SGCD: variants seen among roughly 807,000 people sequenced by gnomAD.
SGCD encodes sarcoglycan delta.
SGCD carries 18 observed loss-of-function variants against 36.6 expected under a neutral mutation model. That is an observed-to-expected ratio of 0.49 (90% CI 0.34 to 0.73). SGCD has a LOEUF of 0.73. SGCD is among the 30% of genes least tolerant of loss of function. The pLI is 0.01. For missense variants in SGCD, 387 were observed against 346.7 expected (o/e 1.12, Z -0.92); for synonymous variants, 133 against 130.6 (o/e 1.02, Z -0.12).
the SGCD span, among the ~76,000 whole-genome samples, chr5:155,787,512 C>G: frequency 6.6e-6 from 1 of 152,094 alleles, no homozygotes; most frequent in Non-Finnish European, 1.5e-5. Flanking sequence ...GGAATCAGCT[C>G]GAGGGACACT....
the SGCD span, among the ~76,000 whole-genome samples, chr5:155,831,999 G>A: frequency 6.6e-6 from 1 of 152,184 alleles, no homozygotes; most frequent in Non-Finnish European, 1.5e-5. Flanking sequence ...GTGGTTAGCT[G>A]TTATCACTCA....
intron 3 of SGCD, among the ~76,000 whole-genome samples, chr5:156,368,153 A>G (rs935272040): frequency 3.3e-5 from 5 of 151,302 alleles, no homozygotes; most frequent in Non-Finnish European, 7.4e-5. Flanking sequence ...GCGCAGTGGC[A>G]CGATCTCGGC....
chr5:156,362,976 C>T (rs181510914), intron 3 of SGCD, among the ~76,000 whole-genome samples: 1 of 152,042 alleles, frequency 6.6e-6, no homozygotes, highest in East Asian at 1.9e-4. Flanking sequence ...TAATTTCTGT[C>T]TTTGCAGCTT....
the SGCD span, among the ~76,000 whole-genome samples, chr5:155,795,418 TG>T: frequency 7.0e-6 from 1 of 142,662 alleles, no homozygotes; most frequent in Non-Finnish European, 1.5e-5. Flanking sequence ...AAAACATAGT[TG>T]TATGTTTTAC....
chr5:156,707,845 G>C (rs1298335757), intron 7 of SGCD, among the ~76,000 whole-genome samples: 1 of 152,200 alleles, frequency 6.6e-6, no homozygotes, highest in African/African-American at 2.4e-5. Context: ...GGCTCTGCTA[G>C]TAATAAGTAA....
intron 3 of SGCD, among the ~76,000 whole-genome samples, chr5:156,222,908 G>A (rs564114882): frequency 1.3e-5 from 2 of 152,098 alleles, no homozygotes; most frequent in South Asian, 4.1e-4. Context: ...TGTCAAAAAT[G>A]TTTTACTGAT....
intron 4 of SGCD, among the ~76,000 whole-genome samples, chr5:156,524,126 A>AC (rs1757541099): frequency 1.3e-5 from 1 of 79,642 alleles, no homozygotes; most frequent in Non-Finnish European, 2.7e-5. Context: ...ATATATATAT[A>AC]TATATATATA....
chr5:156,448,892 G>A (rs1458709082), intron 3 of SGCD, among the ~76,000 whole-genome samples: 2 of 151,620 alleles, frequency 1.3e-5, no homozygotes, highest in Non-Finnish European at 2.9e-5. Flanking sequence ...GGGATTGCAG[G>A]CATGCCCCAA....
intron 3 of SGCD, among the ~76,000 whole-genome samples, chr5:156,380,763 A>G (rs192390161): frequency 9.1e-4 from 139 of 152,344 alleles, no homozygotes; most frequent in Middle Eastern, 6.8e-3. Flanking sequence ...GTGAAGCAAG[A>G]GAATTGATAT....
chr5:156,433,737 T>A (rs1167975806), intron 3 of SGCD, among the ~76,000 whole-genome samples: 1 of 152,218 alleles, frequency 6.6e-6, no homozygotes, highest in Non-Finnish European at 1.5e-5. Context: ...CAATGGCCTG[T>A]CACCATATGC....
At chr5:156,210,682 A>T (rs948473152) in intron 3 of SGCD, among the ~76,000 whole-genome samples, 4 of 152,078 alleles carry the variant, frequency 2.6e-5, no homozygotes, top group African/African-American at 9.7e-5. Context: ...AAAAAAATGC[A>T]ATGAAGAGAT....
chr5:156,058,208 T>G (rs1258106673), intron 1 of SGCD, among the ~76,000 whole-genome samples: 3 of 146,238 alleles, frequency 2.1e-5, no homozygotes, highest in African/African-American at 7.4e-5. Flanking sequence ...CAATTTATAT[T>G]AAAAGCAGGA....
chr5:155,894,208 C>T (rs551282407), intron 1 of SGCD, among the ~76,000 whole-genome samples: 43 of 152,158 alleles, frequency 2.8e-4, no homozygotes, highest in Non-Finnish European at 5.6e-4. Context: ...ATTAACCTTA[C>T]TTATTGTAAC....
intron 7 of SGCD, among the ~76,000 whole-genome samples, chr5:156,653,492 G>GTTTTTTTTTTTT (rs1561839559): frequency 1.2e-3 from 7 of 5,832 alleles, no homozygotes; most frequent in East Asian, 0.016. Context: ...TCTAAAGCTT[G>GTTTTTTTTTTTT]CTTTTTTTTT....
chr5:156,353,884 T>C (rs1191713995), intron 3 of SGCD, among the ~76,000 whole-genome samples: 3 of 152,268 alleles, frequency 2.0e-5, no homozygotes, highest in Non-Finnish European at 4.4e-5. Flanking sequence ...TCCTGTGTTT[T>C]ATACCTTTGT....
chr5:155,969,178 G>C (rs1757960691), intron 1 of SGCD, among the ~76,000 whole-genome samples: 1 of 151,920 alleles, frequency 6.6e-6, no homozygotes, highest in Admixed American at 6.6e-5. Context: ...TGCGTGTCTA[G>C]GTTTTGTTGC....
chr5:156,627,088 A>G (rs1762466228), intron 6 of SGCD, among the ~76,000 whole-genome samples: 1 of 152,184 alleles, frequency 6.6e-6, no homozygotes, highest in Non-Finnish European at 1.5e-5. Context: ...GTTATGATCA[A>G]TTGCCCTGTG....
At chr5:156,578,230 A>G (rs148072083) in intron 4 of SGCD, among the ~76,000 whole-genome samples, 2,668 of 152,266 alleles carry the variant, frequency 0.018, 32 homozygotes, top group Non-Finnish European at 0.029. Context: ...TGATTTGCAT[A>G]TGTTGAACCA....
intron 3 of SGCD, among the ~76,000 whole-genome samples, chr5:156,497,920 A>C (rs1016381950): frequency 6.6e-6 from 1 of 152,112 alleles, no homozygotes; most frequent in African/African-American, 2.4e-5. Flanking sequence ...CCTAGAAAAG[A>C]AAGCCAGTAG....
Sources: allele counts gnomAD v4.1 joint callset (sites outside exome capture counted in the v4.1 genomes callset), GRCh38; gene constraint gnomAD v4.1.1; transcripts MANE v1.5; gene names NCBI Gene and HGNC (gene_info 2026-07-23, HGNC 2026-07-21).